Variants in PDK1 observed in about 807,000 individuals in gnomAD.
The protein encoded by PDK1 is pyruvate dehydrogenase kinase 1.
In PDK1, 39 loss-of-function variants were observed where a neutral mutation model predicts 54.2. The observed-to-expected ratio is 0.72, with a 90% CI of 0.56 to 0.94. PDK1 has a LOEUF of 0.94. Ranked by LOEUF, PDK1 falls within the 40% of genes least tolerant of loss-of-function variation. The pLI is 0.00. For missense variants in PDK1, 552 were observed against 566.0 expected (o/e 0.98, Z 0.25); for synonymous variants, 221 against 207.1 (o/e 1.07, Z -0.58).
chr2:172,642,787 ACTCCTC>A, the PDK1 span, among the ~76,000 whole-genome samples: 193 of 144,182 alleles, frequency 1.3e-3, 1 homozygote, highest in African/African-American at 4.1e-3. Flanking sequence ...TCCTCCTCCC[ACTCCTC>A]CTCCTCCTCC....
chr2:172,623,231 C>T, the PDK1 span, among the ~76,000 whole-genome samples: 1 of 151,908 alleles, frequency 6.6e-6, no homozygotes, highest in Admixed American at 6.6e-5. Context: ...AGCTTAATAG[C>T]AGTGTGATGC....
At chr2:172,632,007 G>T in the PDK1 span, among the ~76,000 whole-genome samples, 1 of 152,010 alleles carries the variant, frequency 6.6e-6, no homozygotes, top group Admixed American at 6.6e-5. Flanking sequence ...CGGACGTGGT[G>T]GCTCACACCT....
chr2:172,658,434 AAATT>A, the PDK1 span, among the ~76,000 whole-genome samples: 1 of 152,214 alleles, frequency 6.6e-6, no homozygotes, highest in Admixed American at 6.5e-5. Flanking sequence ...TTAACTGTAC[AAATT>A]GATTGTAAAA....
At chr2:172,609,203 G>A (rs1287998736), downstream of PDK1, among the ~76,000 whole-genome samples, 2 of 152,148 alleles carry the variant, frequency 1.3e-5, no homozygotes. Flanking sequence ...TCTACGACAA[G>A]GACACTCAAC....
the PDK1 span, among the ~76,000 whole-genome samples, chr2:172,620,645 C>T: frequency 2.0e-5 from 3 of 152,124 alleles, no homozygotes; most frequent in African/African-American, 7.2e-5. Context: ...GGCTGGATTT[C>T]TTATGAATAG....
chr2:172,587,793 T>G (rs970181042), intron 9 of PDK1, among the ~76,000 whole-genome samples: 3 of 152,144 alleles, frequency 2.0e-5, no homozygotes, highest in Non-Finnish European at 4.4e-5. Context: ...CTGATTGGTG[T>G]GTTTACAAAC....
the PDK1 span, among the ~76,000 whole-genome samples, chr2:172,619,038 A>G: frequency 6.6e-6 from 1 of 152,198 alleles, no homozygotes; most frequent in Non-Finnish European, 1.5e-5. Flanking sequence ...GTAAGAAGTA[A>G]TGCAGGTTTT....
chr2:172,648,861 C>A, the PDK1 span, among the ~76,000 whole-genome samples: 2 of 152,222 alleles, frequency 1.3e-5, no homozygotes, highest in African/African-American at 2.4e-5. Flanking sequence ...AAGCCCACCG[C>A]AGCTTAAGGA....
chr2:172,690,214 A>G, the PDK1 span, among the ~76,000 whole-genome samples: 7 of 150,750 alleles, frequency 4.6e-5, 1 homozygote, highest in East Asian at 1.4e-3. Context: ...ACTTCTCAAA[A>G]GAAGACATCT....
At chr2:172,661,448 T>A in the PDK1 span, among the ~76,000 whole-genome samples, 4 of 152,236 alleles carry the variant, frequency 2.6e-5, no homozygotes, top group African/African-American at 7.2e-5. Flanking sequence ...AAATACCACA[T>A]AATCATGTAC....
At chr2:172,699,238 A>T in the PDK1 span, among the ~76,000 whole-genome samples, 2,047 of 152,322 alleles carry the variant, frequency 0.013, 48 homozygotes, top group African/African-American at 0.047. Flanking sequence ...TCTATGAGAG[A>T]ATAAAAATTT....
At chr2:172,619,727 C>T in the PDK1 span, among the ~76,000 whole-genome samples, 3 of 152,220 alleles carry the variant, frequency 2.0e-5, no homozygotes, top group East Asian at 3.9e-4. Context: ...CTTATAATAG[C>T]CTTTGATGGC....
the PDK1 span, among the ~76,000 whole-genome samples, chr2:172,631,500 A>T: frequency 6.6e-6 from 1 of 151,732 alleles, no homozygotes; most frequent in African/African-American, 2.4e-5. Context: ...ATACTCAGCC[A>T]AAATATTCAT....
the PDK1 span, among the ~76,000 whole-genome samples, chr2:172,623,264 C>T: frequency 6.6e-6 from 1 of 152,018 alleles, no homozygotes; most frequent in East Asian, 1.9e-4. Context: ...TCATTCATTC[C>T]ACTAAGTGTA....
rs749747531 is a variant in PDK1, at chr2:172,593,064, T to G, written c.1170+16T>G. On this transcript the variant is annotated intron_variant, in intron 10 of 10. Coordinates refer to ENST00000282077, the MANE Select transcript of PDK1 (RefSeq NM_002610.5). The stretch of plus-strand genomic sequence containing the variant: ...CTACATTAAGGTAATAGCTGTAGTC[T>G]TCTTGATTTAATATTTCTTTTGATG... The G allele has an allele frequency of 1.6e-6, 2 of 1,241,880 alleles. No homozygotes were observed. Among genetic ancestry groups the G allele is most frequent in the Admixed American group, 3.5e-5 (2 of 56,902 alleles). 76.9% of individuals were successfully genotyped at this position (1,241,880 alleles called of 1,614,324 possible).
chr2:172,579,061 C>T (rs1052562704), intron 8 of PDK1, among the ~76,000 whole-genome samples: 3 of 152,188 alleles, frequency 2.0e-5, no homozygotes, highest in African/African-American at 2.4e-5. Context: ...ATGAGTATGG[C>T]CTTCCAGATT....
At chr2:172,681,963 G>C in the PDK1 span, among the ~76,000 whole-genome samples, 10 of 152,108 alleles carry the variant, frequency 6.6e-5, no homozygotes, top group Admixed American at 2.0e-4. Context: ...TCACCATGTT[G>C]GCCAGGCTGG....
chr2:172,600,856 T>C lies in PDK1; in HGVS notation c.*4887T>C, dbSNP rs1691092114. Reference sequence around the variant, plus strand: ...TTATTCTATGTTGTCTTCGTCCAGCTTATCTGGAAGGGAGAGTTTCTCTGT... The same window carrying C: ...TTATTCTATGTTGTCTTCGTCCAGCCTATCTGGAAGGGAGAGTTTCTCTGT... On this transcript the variant is annotated 3_prime_UTR_variant, in exon 11 of 11. Coordinates refer to ENST00000282077, the MANE Select transcript of PDK1 (RefSeq NM_002610.5). 6.6e-6 allele frequency: 1 copy of C among 152,206 alleles called. No homozygotes were observed. Among genetic ancestry groups the C allele is most frequent in the Admixed American group, 6.5e-5 (1 of 15,270 alleles). 9.4% of individuals were successfully genotyped at this position (152,206 alleles called of 1,614,324 possible).
chr2:172,621,544 T>TTA, the PDK1 span, among the ~76,000 whole-genome samples: 180 of 146,884 alleles, frequency 1.2e-3, no homozygotes, highest in Middle Eastern at 7.2e-3. Flanking sequence ...TATATATATA[T>TTA]TATATATATA....
Sources: allele counts gnomAD v4.1 joint callset (sites outside exome capture counted in the v4.1 genomes callset), GRCh38; gene constraint gnomAD v4.1.1; transcripts MANE v1.5; gene names NCBI Gene and HGNC (gene_info 2026-07-23, HGNC 2026-07-21).